COL4A2: variants seen among roughly 807,000 people sequenced by gnomAD.
The protein encoded by COL4A2 is collagen alpha-2(IV) chain.
A neutral mutation model predicts 200.2 loss-of-function variants in COL4A2; 99 were observed. That is an observed-to-expected ratio of 0.49 (90% CI 0.42 to 0.58). The LOEUF is 0.58. COL4A2 is among the 20% of genes least tolerant of loss of function. COL4A2 has a pLI of 0.00. For synonymous variants in COL4A2, 897 were observed against 900.6 expected (o/e 1.00, Z 0.07); for missense variants, 1,950 against 2,314.1 (o/e 0.84, Z 3.23).
At chr13:110,441,353 C>A (rs764515730) in intron 16 of COL4A2, among the ~76,000 whole-genome samples, 4 of 152,240 alleles carry the variant, frequency 2.6e-5, no homozygotes, top group Non-Finnish European at 5.9e-5. Context: ...TGGCTCTAGA[C>A]ACGGGCCGTC....
At chr13:110,473,344 G>A (rs1882556648) in intron 29 of COL4A2, 194 bp downstream of exon 29, 1 of 546,126 alleles carries the variant, frequency 1.8e-6, no homozygotes, top group Non-Finnish European at 3.2e-6. Flanking sequence ...ACCCACGGTA[G>A]CCAGTGCGAT....
At chr13:110,425,906 C>A (rs567770477) in intron 6 of COL4A2, among the ~76,000 whole-genome samples, 1 of 152,132 alleles carries the variant, frequency 6.6e-6, no homozygotes, top group Admixed American at 6.5e-5. Context: ...GAGGAGACAT[C>A]CGCAGAGCAG....
chr13:110,378,442 T>G (rs1004828363), intron 4 of COL4A2, among the ~76,000 whole-genome samples: 1 of 152,112 alleles, frequency 6.6e-6, no homozygotes, highest in African/African-American at 2.4e-5. Flanking sequence ...GGTCCAGAGG[T>G]GCGCCTGCGG....
intron 3 of COL4A2, among the ~76,000 whole-genome samples, chr13:110,343,055 C>G (rs1043361395): frequency 2.0e-5 from 3 of 152,268 alleles, no homozygotes; most frequent in Admixed American, 2.0e-4. Context: ...TTAGCCTTAT[C>G]GACAGAGGTT....
chr13:110,481,592 GT>G (rs143076280), intron 31 of COL4A2, among the ~76,000 whole-genome samples: 6,299 of 32,196 alleles, frequency 0.2, 135 homozygotes, highest in Middle Eastern at 0.25. Flanking sequence ...CTGTCCCTCC[GT>G]TGCTGGAGAC....
At chr13:110,438,114 A>G (rs936658128) in intron 14 of COL4A2, 77 bp downstream of exon 14, 93 of 1,256,778 alleles carry the variant, frequency 7.4e-5, no homozygotes, top group East Asian at 2.3e-5. Flanking sequence ...GACGGGGTGC[A>G]CCATGCGCTC....
intron 3 of COL4A2, among the ~76,000 whole-genome samples, chr13:110,314,131 G>A (rs1885071949): frequency 6.6e-6 from 1 of 152,208 alleles, no homozygotes; most frequent in African/African-American, 2.4e-5. Context: ...CTGTACCAAT[G>A]TTGATTTCTT....
At chr13:110,467,207 T>A in intron 27 of COL4A2, 111 bp downstream of exon 27, 1 of 1,401,968 alleles carries the variant, frequency 7.1e-7, no homozygotes, top group East Asian at 2.5e-5. Context: ...ACCCCAGACA[T>A]GGTCGTGTCC....
chr13:110,440,806 C>T (rs183022684), intron 16 of COL4A2, among the ~76,000 whole-genome samples: 175 of 152,252 alleles, frequency 1.1e-3, no homozygotes, highest in African/African-American at 2.8e-3. Context: ...GACACCACCA[C>T]TGACAGCCCC....
At chr13:110,462,241 C>T (rs1458699853) in intron 23 of COL4A2, 37 bp from the exon 24 acceptor site, 1 of 1,614,248 alleles carries the variant, frequency 6.2e-7, no homozygotes, top group Non-Finnish European at 8.5e-7. Flanking sequence ...CCTGTGGGCA[C>T]CTGCCTGGGC....
At chr13:110,332,675 T>C (rs981748831) in intron 3 of COL4A2, among the ~76,000 whole-genome samples, 2 of 152,240 alleles carry the variant, frequency 1.3e-5, no homozygotes, top group African/African-American at 2.4e-5. Context: ...TCTACTGTGT[T>C]AACTTTTAAT....
intron 47 of COL4A2, among the ~76,000 whole-genome samples, chr13:110,510,719 C>G (rs571702922): frequency 6.6e-6 from 1 of 152,364 alleles, no homozygotes; most frequent in South Asian, 2.1e-4. Context: ...GCAGCAAACT[C>G]AGCTCTTACC....
intron 20 of COL4A2, among the ~76,000 whole-genome samples, chr13:110,456,133 C>T (rs1224539299): frequency 1.3e-5 from 2 of 152,206 alleles, no homozygotes; most frequent in South Asian, 2.1e-4. Context: ...TTTCTTGCAC[C>T]GTCATCATCA....
chr13:110,310,616 A>T (rs1009055752), intron 3 of COL4A2, among the ~76,000 whole-genome samples: 11 of 152,198 alleles, frequency 7.2e-5, no homozygotes, highest in African/African-American at 2.7e-4. Flanking sequence ...TTCCTTGTGA[A>T]ATAATGTTTC....
At chr13:110,511,012 G>A (rs1031847262) in intron 47 of COL4A2, among the ~76,000 whole-genome samples, 1 of 151,988 alleles carries the variant, frequency 6.6e-6, no homozygotes, top group African/African-American at 2.4e-5. Flanking sequence ...CTTAAACTGG[G>A]GCCCCTGCCC....
chr13:110,485,035 T>C lies in COL4A2; in HGVS notation c.3025+8T>C, dbSNP rs1356291611. On this transcript the variant is annotated splice_region_variant and intron_variant, in intron 33 of 47. Transcript: ENST00000360467. Reference sequence around the variant, plus strand: ...GATACCTGGGCGCAAAAGGTGAGGCTTCTGACCTGCAGCCAGGGGCCCCTA... The same window carrying C: ...GATACCTGGGCGCAAAAGGTGAGGCCTCTGACCTGCAGCCAGGGGCCCCTA... 31 of 1,580,314 alleles carry C rather than the reference T, an allele frequency of 2.0e-5. No individual in the cohort carries two copies. The highest frequency in any genetic ancestry group is 2.5e-5 in the Non-Finnish European group (29 of 1,157,946).
rs917905927 is a variant in COL4A2, at chr13:110,512,503, A to G, written c.*312A>G. The G allele has an allele frequency of 1.1e-5, 4 of 363,334 alleles. No homozygotes were observed. The highest frequency in any genetic ancestry group is 6.2e-5 in the East Asian group (1 of 16,196). 22.5% of individuals were successfully genotyped at this position (363,334 alleles called of 1,614,324 possible). ...ACCCATGTAACCACTGCACTTTCCA[A>G]TGCCACAGACAACTCACATTGTTCA... On this transcript the variant is annotated 3_prime_UTR_variant, in exon 48 of 48. Transcript: ENST00000360467.
At position 110,473,016 on chromosome 13, in the gene COL4A2, A is replaced by G. The variant is rs369694407; in HGVS notation, c.2291A>G (p.Asp764Gly). The G allele has an allele frequency of 1.9e-5, 29 of 1,520,932 alleles. No individual in the cohort carries two copies. The highest frequency in any genetic ancestry group is 2.6e-5 in the Non-Finnish European group (29 of 1,135,284). The allele number at this position is 1,520,932 out of a possible 1,614,324, so 94.2% of individuals were successfully genotyped here. The change falls in exon 29 of 48, where the codon GAT becomes GGT. Residue 764 changes from aspartate to glycine, a missense_variant. Around this residue, in one of 2 missense-constraint regions of COL4A2, gnomAD observed 1,385 missense variants for 1,720.5 expected, o/e 0.80. Transcript: ENST00000360467. ...GGTCCCATCGGCCTGCCAGGGCCAG[A>G]TGGGCCCCCTGGGGAAAGGGGCCTC... ...SPGPIGLPGP[D>G]GPPGERGLPG...
At chr13:110,477,929 G>T in intron 29 of COL4A2, 74 bp from the exon 30 acceptor site, 2 of 1,310,854 alleles carry the variant, frequency 1.5e-6, no homozygotes, top group Non-Finnish European at 2.0e-6. Context: ...CAGAATGAGT[G>T]TGTGGAGGGA....
Sources: gnomAD v4.1 joint callset for allele counts (sites outside exome capture counted in the v4.1 genomes callset) on GRCh38, gnomAD v4.1.1 for gene constraint, gnomAD v4.1.1 regional missense constraint, MANE v1.5 for transcripts, NCBI Gene and HGNC (gene_info 2026-07-23, HGNC 2026-07-21) for gene names.